Variants in FBN2 observed in about 807,000 individuals in gnomAD.
FBN2 encodes the protein fibrillin-2.
Under a neutral mutation model 355.6 loss-of-function variants are expected in FBN2, and 105 were observed. That is an observed-to-expected ratio of 0.30 (90% CI 0.25 to 0.35). The LOEUF (loss-of-function observed/expected upper bound fraction) is 0.35, where lower values mean the gene tolerates loss of function less well. FBN2 is among the 10% of genes least tolerant of loss of function. The probability of loss-of-function intolerance (pLI) is 1.00; values close to 1 mark genes in which losing one functional copy is unlikely to be tolerated. For synonymous variants in FBN2, 1,350 were observed against 1,301.2 expected (o/e 1.04, Z -0.81); for missense variants, 3,280 against 3,758.7 (o/e 0.87, Z 3.33).
chr5:128,301,044 TCTA>T, intron 47 of FBN2, 108 bp from the exon 48 acceptor site: 1 of 981,094 alleles, frequency 1.0e-6, no homozygotes, highest in Non-Finnish European at 1.6e-6. Context: ...GGTCCTCTGA[TCTA>T]CTGGGTCACC....
At chr5:128,328,221 A>C (rs561892554) in intron 34 of FBN2, 6 of 247,522 alleles carry the variant, frequency 2.4e-5, no homozygotes, top group Admixed American at 5.1e-5. Flanking sequence ...AGTATTAAGC[A>C]AAAGTACAGC....
At chr5:128,480,924 A>T (rs1561478035) in intron 5 of FBN2, among the ~76,000 whole-genome samples, 2 of 151,678 alleles carry the variant, frequency 1.3e-5, no homozygotes, top group Non-Finnish European at 3.0e-5. Context: ...TGTGGCTTTG[A>T]TCCTCCTAAT....
chr5:128,329,938 T>TAGAA (rs960923629), intron 33 of FBN2, among the ~76,000 whole-genome samples: 1 of 152,192 alleles, frequency 6.6e-6, no homozygotes, highest in African/African-American at 2.4e-5. Context: ...TATGAATGAA[T>TAGAA]AGAAGCCAAA....
At chr5:128,321,046 T>C (rs1750357782) in intron 34 of FBN2, among the ~76,000 whole-genome samples, 1 of 152,210 alleles carries the variant, frequency 6.6e-6, no homozygotes, top group Non-Finnish European at 1.5e-5. Context: ...GGATCAATAA[T>C]GGTTTTATGA....
Position 128,392,078 on chromosome 5 carries a change from A to T in FBN2, c.1543T>A (p.Ser515Thr), listed in dbSNP as rs528255772. The T allele has an allele frequency of 6.6e-5, 106 of 1,613,722 alleles. 1 individual carries two copies. The South Asian group carries it at 1.1e-3, about 16-fold the overall frequency. Residue 515 changes from serine to threonine, a missense_variant, in exon 11 of 65, where the codon TCA becomes ACA. This residue lies in a region of FBN2 where 2,284 missense variants were observed against 2,749.5 expected (regional missense o/e 0.83). Coordinates refer to ENST00000262464, the MANE Select transcript of FBN2 (RefSeq NM_001999.4). ...CLNGRCIPTVSSYRCECNMGY... is the reference protein window; with the variant it reads ...CLNGRCIPTVTSYRCECNMGY... ...ATGTTGCATTCACATCGGTAGCTTG[A>T]GACAGTTGGTATACAGCGTCCATTT...
chr5:128,310,409 T>A (rs1393245048), intron 39 of FBN2, among the ~76,000 whole-genome samples: 39 of 39,442 alleles, frequency 9.9e-4, no homozygotes, highest in African/African-American at 4.0e-3. Flanking sequence ...TATATTTTTT[T>A]TTTTTTTTTT....
chr5:128,270,845 G>GT (rs965647347), intron 62 of FBN2, among the ~76,000 whole-genome samples: 2 of 152,082 alleles, frequency 1.3e-5, no homozygotes, highest in African/African-American at 4.8e-5. Flanking sequence ...TTCTACAACA[G>GT]TTTTTTTCTA....
chr5:128,365,834 T>C (rs1318387505), intron 17 of FBN2, among the ~76,000 whole-genome samples: 2 of 151,748 alleles, frequency 1.3e-5, no homozygotes, highest in African/African-American at 2.4e-5. Context: ...AGATTCTATA[T>C]TGGAATTTTG....
In FBN2 at chr5:128,259,230, T is replaced by C; in HGVS notation, c.*225A>G. ...TTTAATATATTTTAAAATGAAGTTA[T>C]ATAAAAAATACAGTAACCACGGTTG... On this transcript the variant is annotated 3_prime_UTR_variant, in exon 65 of 65. Coordinates refer to ENST00000262464, the MANE Select transcript of FBN2 (RefSeq NM_001999.4). 1 of 550,022 alleles carries C rather than the reference T, an allele frequency of 1.8e-6. No individual in the cohort carries two copies. Among genetic ancestry groups the C allele is most frequent in the Admixed American group, 3.0e-5 (1 of 32,820 alleles). 34.1% of individuals were successfully genotyped at this position (550,022 alleles called of 1,614,324 possible).
chr5:128,292,119 T>C (rs927328070), intron 48 of FBN2, among the ~76,000 whole-genome samples: 2 of 152,140 alleles, frequency 1.3e-5, no homozygotes, highest in Admixed American at 6.5e-5. Flanking sequence ...TCCACAGCCA[T>C]CATCATTTGC....
chr5:128,302,361 A>G (rs1016348650), intron 46 of FBN2, among the ~76,000 whole-genome samples: 2 of 152,080 alleles, frequency 1.3e-5, no homozygotes, highest in African/African-American at 4.8e-5. Context: ...CTCTCCTCCA[A>G]CTACTTCAGG....
intron 7 of FBN2, among the ~76,000 whole-genome samples, chr5:128,437,793 GATAGATAGATA>G (rs1753810014): frequency 7.0e-6 from 1 of 142,284 alleles, no homozygotes; most frequent in African/African-American, 3.1e-5. Flanking sequence ...TAGATAGATA[GATAGATAGATA>G]GATAGATAGA....
chr5:128,517,558 C>T (rs1756313378), intron 5 of FBN2, among the ~76,000 whole-genome samples: 1 of 152,026 alleles, frequency 6.6e-6, no homozygotes, highest in South Asian at 2.1e-4. Context: ...ACTTCAGTCC[C>T]AAGAAATCTC....
intron 14 of FBN2, 47 bp downstream of exon 14, chr5:128,376,684 A>C (rs753816609): frequency 6.2e-7 from 1 of 1,607,738 alleles, no homozygotes; most frequent in Non-Finnish European, 8.5e-7. Context: ...CAAATAAAAA[A>C]GGTGGTTTCA....
chr5:128,505,626 C>A lies in FBN2; in HGVS notation c.628+13647G>T, dbSNP rs1437587600. ...TTCCTGTGTCATTGTTCTATCCTGC[C>A]TATCCATACCTTTGCATCCCTAGGC... On this transcript the variant is annotated intron_variant, in intron 5 of 64. Transcript: ENST00000262464. Among the ~76,000 whole-genome samples the A allele has an allele frequency of 1.3e-5, 2 of 152,144 alleles. 1 individual carries two copies. Among genetic ancestry groups the A allele is most frequent in the Non-Finnish European group, 2.9e-5 (2 of 68,012 alleles).
intron 14 of FBN2, 90 bp from the exon 15 acceptor site, chr5:128,374,840 A>C: frequency 1.5e-6 from 2 of 1,352,556 alleles, no homozygotes; most frequent in Non-Finnish European, 2.1e-6. Flanking sequence ...TATACTACTA[A>C]CCTTTTGTTT....
rs553507141 is a variant in FBN2, at chr5:128,371,388, TAGC to T, written c.2096-2057_2096-2055del. 2.5e-4 allele frequency among the ~76,000 whole-genome samples: 38 copies of T among 152,280 alleles called. 1 individual carries two copies. The South Asian group carries it at 4.8e-3, about 19-fold the overall frequency. ...ACCTAAATGCATCTTTTCCATATGT[TAGC>T]AGACTTCTGCATGCCTTTTCTCTCC... On this transcript the variant is annotated intron_variant, in intron 15 of 64. Coordinates refer to ENST00000262464, the MANE Select transcript of FBN2 (RefSeq NM_001999.4).
intron 27 of FBN2, 22 bp downstream of exon 27, chr5:128,337,975 T>C (rs770950443): frequency 2.5e-6 from 4 of 1,613,666 alleles, no homozygotes; most frequent in Admixed American, 3.3e-5. Context: ...GGCAGGTTTA[T>C]GTGCTGAGGA....
chr5:128,261,665 C>A, intron 64 of FBN2, 71 bp downstream of exon 64: 1 of 1,421,384 alleles, frequency 7.0e-7, no homozygotes, highest in South Asian at 1.1e-5. Flanking sequence ...CTGAAAACGA[C>A]GTGAACTGCA....
Sources: allele counts gnomAD v4.1 joint callset (sites outside exome capture counted in the v4.1 genomes callset), GRCh38; gene constraint gnomAD v4.1.1; regional missense constraint gnomAD v4.1.1; transcripts MANE v1.5; gene names NCBI Gene and HGNC (gene_info 2026-07-23, HGNC 2026-07-21).